The following UGT2B11 variants were observed in gnomAD, a reference collection of about 807,000 sequenced individuals.
The protein encoded by UGT2B11 is UDP glucuronosyltransferase family 2 member B11.
A neutral mutation model predicts 51.7 loss-of-function variants in UGT2B11; 49 were observed. That is an observed-to-expected ratio of 0.95 (90% CI 0.75 to 1.20). The LOEUF is 1.20. Ranked by LOEUF, UGT2B11 falls within the 50% of genes most tolerant of loss-of-function variation. UGT2B11 has a pLI of 0.00. For missense variants in UGT2B11, 810 were observed against 622.1 expected (o/e 1.30, Z -3.21); for synonymous variants, 273 against 209.0 (o/e 1.31, Z -2.64).
At chr4:69,217,629 G>C (rs1046043673), upstream of UGT2B11, among the ~76,000 whole-genome samples, 1 of 151,932 alleles carries the variant, frequency 6.6e-6, no homozygotes, top group Non-Finnish European at 1.5e-5. Flanking sequence ...CCAATGCCTG[G>C]TCATATGTAA....
At chr4:69,208,222 A>T (rs994477986) in intron 3 of UGT2B11, 129 bp downstream of exon 3, 3 of 1,525,988 alleles carry the variant, frequency 2.0e-6, no homozygotes, top group Admixed American at 2.2e-5. Flanking sequence ...TGGAAGCAAC[A>T]TAAGCATATT....
upstream of UGT2B11, among the ~76,000 whole-genome samples, chr4:69,217,065 G>T (rs892684292): frequency 6.6e-5 from 10 of 151,988 alleles, no homozygotes; most frequent in African/African-American, 2.4e-4. Flanking sequence ...TATGTTTTAA[G>T]TACAATTACA....
the UGT2B11 span, among the ~76,000 whole-genome samples, chr4:69,224,620 G>A: frequency 6.0e-4 from 91 of 152,200 alleles, no homozygotes; most frequent in African/African-American, 2.0e-3. Context: ...CGATGTAAAT[G>A]CCTTTCCTGG....
intron 3 of UGT2B11, among the ~76,000 whole-genome samples, chr4:69,207,971 A>T (rs928087067): frequency 6.6e-6 from 1 of 151,610 alleles, no homozygotes; most frequent in Non-Finnish European, 1.5e-5. Context: ...CATTCTAAAG[A>T]CTACATTAGG....
At chr4:69,216,261 T>A (rs528483779), upstream of UGT2B11, 61 of 152,216 alleles carry the variant, frequency 4.0e-4, 1 homozygote, top group African/African-American at 1.0e-3. Context: ...GCATACTCAA[T>A]GAGCTTTTGA....
In UGT2B11 at chr4:69,204,483, T is replaced by A. The variant is rs771780303; in HGVS notation, c.1257A>T (p.Thr419=). The change falls in exon 5 of 6, where the codon ACA becomes ACT. Residue 419 remains threonine, a synonymous_variant. Coordinates refer to ENST00000446444, the MANE Select transcript of UGT2B11 (RefSeq NM_001073.3). ...KGAAVRLDFN[T]MSSTDLLNAL... ...CATTCAGCAGGTCTGTACTCGACATTGTGTTGAAGTCCAATCTAACAGCTG... is the reference window on the plus strand; with the variant it reads ...CATTCAGCAGGTCTGTACTCGACATAGTGTTGAAGTCCAATCTAACAGCTG... 2 of 1,612,134 alleles carry A rather than the reference T, an allele frequency of 1.2e-6. No individual in the cohort carries two copies. Among genetic ancestry groups the A allele is most frequent in the East Asian group, 4.5e-5 (2 of 44,760 alleles).
At chr4:69,207,148 C>T (rs13139597) in intron 3 of UGT2B11, among the ~76,000 whole-genome samples, 4,790 of 151,604 alleles carry the variant, frequency 0.032, 174 homozygotes, top group Admixed American at 0.1. Context: ...CAAAATTGTA[C>T]TTTGCTAAAT....
the UGT2B11 span, among the ~76,000 whole-genome samples, chr4:69,220,308 T>C: frequency 6.6e-6 from 1 of 152,130 alleles, no homozygotes; most frequent in Non-Finnish European, 1.5e-5. Context: ...GCTGCTTTCA[T>C]GGGCTGGCAT....
intron 5 of UGT2B11, among the ~76,000 whole-genome samples, chr4:69,203,729 T>A (rs1210143010): frequency 3.3e-5 from 5 of 151,738 alleles, no homozygotes; most frequent in African/African-American, 1.2e-4. Context: ...AATTAGGCTA[T>A]GTGAAATGTC....
Position 69,214,538 on chromosome 4 carries a change from A to T in UGT2B11, c.185T>A (p.Ile62Asn), listed in dbSNP as rs144609604. 1.8e-4 allele frequency: 284 copies of T among 1,613,218 alleles called. 1 individual carries two copies. In the African/African-American group the frequency reaches 3.3e-3, roughly 19 times the overall value. The change falls in exon 1 of 6, where the codon ATT (isoleucine) becomes AAT (asparagine). Residue 62 changes from isoleucine to asparagine, a missense_variant. Physicochemically the swap from Ile to Asn is moderately radical, Grantham distance 149 (BLOSUM62 -3). Coordinates refer to ENST00000446444, the MANE Select transcript of UGT2B11 (RefSeq NM_001073.3). ...EVTVLASSAS[I>N]LFDPNDASTL... ...GGATGCATCATTGGGATCAAAAAGAATGGAAGCTGAAGATGCCAGTACAGT... is the reference window on the plus strand; with the variant it reads ...GGATGCATCATTGGGATCAAAAAGATTGGAAGCTGAAGATGCCAGTACAGT...
At chr4:69,212,533 T>C (rs1243946768) in intron 2 of UGT2B11, 40 bp downstream of exon 2, 2 of 1,590,928 alleles carry the variant, frequency 1.3e-6, no homozygotes, top group Non-Finnish European at 1.7e-6. Context: ...CTACTGAAAC[T>C]TCGAAGCCAA....
chr4:69,217,232 A>T (rs1163989756), upstream of UGT2B11, among the ~76,000 whole-genome samples: 1 of 152,100 alleles, frequency 6.6e-6, no homozygotes, highest in Non-Finnish European at 1.5e-5. Context: ...TAATTCAGGT[A>T]ATTTGTACTT....
upstream of UGT2B11, among the ~76,000 whole-genome samples, chr4:69,217,310 A>G (rs1722298853): frequency 6.6e-6 from 1 of 152,192 alleles, no homozygotes. Context: ...GTCACAAAAC[A>G]GACAAATTTG....
At chr4:69,213,954 G>T in intron 1 of UGT2B11, 48 bp downstream of exon 1, 1 of 1,501,440 alleles carries the variant, frequency 6.7e-7, no homozygotes, top group Non-Finnish European at 8.9e-7. Context: ...CTGCTTCAAA[G>T]ACACAAATAA....
At chr4:69,214,912 A>C (rs1041661256), upstream of UGT2B11, 9 of 942,116 alleles carry the variant, frequency 9.6e-6, no homozygotes, top group African/African-American at 1.2e-4. Flanking sequence ...AGGATGTTTT[A>C]TGTTTCTTTT....
Position 69,214,395 on chromosome 4 carries a change from A to G in UGT2B11, c.328T>C (p.Ser110Pro), listed in dbSNP as rs1722193644. 1 of 1,612,736 alleles carries G rather than the reference A, an allele frequency of 6.2e-7. No individual in the cohort carries two copies. Residue 110 changes from serine to proline, a missense_variant, in exon 1 of 6, where the codon TCA becomes CCA. Ser to Pro is a moderately conservative substitution (Grantham distance 74). Transcript: ENST00000446444. ...IRKDSFWLYF[S>P]QEQEILWELY... ...TCCCACAGGATTTCTTGTTCTTGTG[A>G]AAAATATAACCAAAAGCTATCTTTT...
chr4:69,220,312 C>T, the UGT2B11 span, among the ~76,000 whole-genome samples: 2 of 152,100 alleles, frequency 1.3e-5, no homozygotes, highest in East Asian at 1.9e-4. Flanking sequence ...CTTTCATGGG[C>T]TGGCATTGAA....
chr4:69,200,367 C>A lies in UGT2B11; in HGVS notation c.*73G>T. 82 of 753,990 alleles carry A rather than the reference C, an allele frequency of 1.1e-4. No homozygotes were observed. The highest frequency in any genetic ancestry group is 4.2e-4 in the Middle Eastern group (1 of 2,360). The allele number at this position is 753,990 out of a possible 1,614,324, so 46.7% of individuals were successfully genotyped here. A position where few individuals can be genotyped will look rare whatever the true frequency, so the allele number is the denominator to read the frequency against. ...GAAGAAAGAAATCTTGCATAACAATCTTTTCTTTCTTGCTGGAATAAACTG... is the reference window on the plus strand; with the variant it reads ...GAAGAAAGAAATCTTGCATAACAATATTTTCTTTCTTGCTGGAATAAACTG... On this transcript the variant is annotated 3_prime_UTR_variant, in exon 6 of 6. Transcript: ENST00000446444.
the UGT2B11 span, among the ~76,000 whole-genome samples, chr4:69,222,801 A>T: frequency 6.6e-6 from 1 of 152,176 alleles, no homozygotes; most frequent in African/African-American, 2.4e-5. Context: ...CATGCACATG[A>T]ATGGGCCCAA....
Sources: allele counts gnomAD v4.1 joint callset (sites outside exome capture counted in the v4.1 genomes callset), GRCh38; gene constraint gnomAD v4.1.1; transcripts MANE v1.5; gene names NCBI Gene and HGNC (gene_info 2026-07-23, HGNC 2026-07-21).